Variants in PPP1R13B observed in about 807,000 individuals in gnomAD.
PPP1R13B encodes the protein protein phosphatase 1 regulatory subunit 13B.
PPP1R13B carries 44 observed loss-of-function variants against 119.8 expected under a neutral mutation model. The observed-to-expected ratio is 0.37, with a 90% confidence interval of 0.29 to 0.47. The LOEUF is 0.47. PPP1R13B is among the 20% of genes least tolerant of loss of function. The pLI is 0.99. For synonymous variants in PPP1R13B, 542 were observed against 561.5 expected (o/e 0.97, Z 0.49); for missense variants, 1,227 against 1,413.5 (o/e 0.87, Z 2.12).
chr14:103,797,191 A>G, intron 2 of PPP1R13B, 180 bp downstream of exon 2: 1 of 515,220 alleles, frequency 1.9e-6, no homozygotes, highest in Non-Finnish European at 3.3e-6. Context: ...GTTCTTTATT[A>G]CCACAGATAA....
intron 2 of PPP1R13B, among the ~76,000 whole-genome samples, chr14:103,795,160 A>G (rs1175400896): frequency 2.6e-5 from 4 of 151,958 alleles, no homozygotes; most frequent in Admixed American, 6.6e-5. Flanking sequence ...CTGGTCTCCA[A>G]CTCCTGGCTT....
chr14:103,733,235 G>A lies in PPP1R13B; in HGVS notation c.*1919C>T, dbSNP rs572721479. 28 of 609,082 alleles carry A rather than the reference G, an allele frequency of 4.6e-5. No homozygotes were observed. In the South Asian group the frequency reaches 4.8e-4, roughly 10 times the overall value. 37.7% of individuals were successfully genotyped at this position (609,082 alleles called of 1,614,324 possible). ...AACAGCTTCATGTTTTAGAATTTGT[G>A]TATTGTCAATACTTAATTGGGGGTG... On this transcript the variant is annotated 3_prime_UTR_variant, in exon 17 of 17. Coordinates refer to ENST00000202556, the MANE Select transcript of PPP1R13B (RefSeq NM_015316.3).
rs542638267 is a variant in PPP1R13B at position 103,816,939 on chromosome 14, C to T, written c.10-19421G>A. Among the ~76,000 whole-genome samples the T allele has an allele frequency of 4.6e-5, 7 of 152,238 alleles. No homozygotes were observed. In the South Asian group the frequency reaches 1.5e-3, roughly 32 times the overall value. On this transcript the variant is annotated intron_variant, in intron 1 of 16. Transcript: ENST00000202556. ...CAAAGGAAAAGTAAATCTAATAGCA[C>T]CCCATCTTTTTACAAATGACTCTAT...
chr14:103,748,695 G>T (rs748686942), intron 8 of PPP1R13B, among the ~76,000 whole-genome samples: 16 of 152,200 alleles, frequency 1.1e-4, no homozygotes, highest in Non-Finnish European at 2.2e-4. Context: ...CAGAGTGCAG[G>T]CGCCCCTCCT....
chr14:103,796,828 C>T (rs1478238113), intron 2 of PPP1R13B, among the ~76,000 whole-genome samples: 1 of 151,992 alleles, frequency 6.6e-6, no homozygotes, highest in Non-Finnish European at 1.5e-5. Context: ...CGTGGTGGTG[C>T]GCGCCTATAG....
rs1274623702 is a variant in PPP1R13B at position 103,740,041 on chromosome 14, T to C, written c.2375A>G (p.Asn792Ser). 2.8e-5 allele frequency: 45 copies of C among 1,613,848 alleles called. No homozygotes were observed. The highest frequency in any genetic ancestry group is 3.5e-5 in the Non-Finnish European group (41 of 1,179,926). ...TTCGGGGGAAGGTAACTCATTATCA[T>C]TGGCATCTGATGACGGGGCAGGCTC... ...PAEPAPSSDA[N>S]DNELPSPEPE... The change falls in exon 12 of 17, where the codon AAT becomes AGT. Residue 792 changes from asparagine (N) to serine (S), a missense_variant. By Grantham distance (46) the Asn-to-Ser change is conservative. Transcript: ENST00000202556. The surrounding 1 kb of genome is among the most constrained non-coding windows in gnomAD (Gnocchi z 4.6).
intron 2 of PPP1R13B, among the ~76,000 whole-genome samples, chr14:103,789,921 AGAG>A (rs2152032048): frequency 6.6e-6 from 1 of 152,278 alleles, no homozygotes; most frequent in East Asian, 1.9e-4. Flanking sequence ...TGTAAGATAA[AGAG>A]GAGAACTCTA....
At chr14:103,747,344 T>G (rs1043635388) in intron 8 of PPP1R13B, 4 of 152,122 alleles carry the variant, frequency 2.6e-5, no homozygotes, top group African/African-American at 9.7e-5. Context: ...TGGAGACGCA[T>G]CTCTGCAAAA....
intron 4 of PPP1R13B, among the ~76,000 whole-genome samples, chr14:103,758,201 T>C (rs2084722144): frequency 1.3e-5 from 2 of 152,156 alleles, no homozygotes; most frequent in African/African-American, 4.8e-5. Flanking sequence ...TATGAATAAC[T>C]CACTAAAAAC....
chr14:103,746,604 T>C, intron 8 of PPP1R13B, 51 bp from the exon 9 acceptor site: 1 of 1,466,952 alleles, frequency 6.8e-7, no homozygotes, highest in East Asian at 2.4e-5. Context: ...TTCAAAGAAG[T>C]CCTAAGCTTA....
intron 4 of PPP1R13B, among the ~76,000 whole-genome samples, chr14:103,768,407 C>G (rs1254720390): frequency 6.6e-6 from 1 of 152,234 alleles, no homozygotes; most frequent in South Asian, 2.1e-4. Context: ...AGCAATTCCC[C>G]TGCCTCAGCC....
At position 103,742,921 on chromosome 14, in the gene PPP1R13B, TC is replaced by T; in HGVS notation, c.1151-99del. The T allele has an allele frequency of 7.3e-7, 1 of 1,368,522 alleles. No homozygotes were observed. Among genetic ancestry groups the T allele is most frequent in the Non-Finnish European group, 1.0e-6 (1 of 988,508 alleles). The allele number at this position is 1,368,522 out of a possible 1,614,324, so 84.8% of individuals were successfully genotyped here. On this transcript the variant is annotated intron_variant, in intron 9 of 16. Transcript: ENST00000202556. The surrounding 1 kb of genome is among the most constrained non-coding windows in gnomAD (Gnocchi z 4.9). ...CAGAAACAAAAACAGCACTGGGACATCCCATTCTGATGCAGATCCATTAACC... is the reference window on the plus strand; with the variant it reads ...CAGAAACAAAAACAGCACTGGGACATCCATTCTGATGCAGATCCATTAACC...
chr14:103,786,510 A>C (rs1185502945), intron 2 of PPP1R13B, among the ~76,000 whole-genome samples: 1 of 152,006 alleles, frequency 6.6e-6, no homozygotes, highest in Non-Finnish European at 1.5e-5. Context: ...CACGCCTGTA[A>C]TTCTAGCACT....
intron 1 of PPP1R13B, among the ~76,000 whole-genome samples, chr14:103,845,483 CAG>C (rs2152091974): frequency 6.6e-6 from 1 of 152,052 alleles, no homozygotes; most frequent in East Asian, 1.9e-4. Flanking sequence ...TTTTAAAAAA[CAG>C]TATTTTATTG....
chr14:103,743,306 C>T (rs1358951050), intron 9 of PPP1R13B, among the ~76,000 whole-genome samples: 1 of 152,188 alleles, frequency 6.6e-6, no homozygotes, highest in Non-Finnish European at 1.5e-5. Context: ...AAAATTTCTG[C>T]CCTCTAAGGT....
chr14:103,796,288 T>C (rs2085755773), intron 2 of PPP1R13B, among the ~76,000 whole-genome samples: 1 of 151,374 alleles, frequency 6.6e-6, no homozygotes, highest in Admixed American at 6.6e-5. Flanking sequence ...GTCTCAAAAA[T>C]AAATAAATAA....
chr14:103,753,677 C>A (rs891883191), intron 6 of PPP1R13B, among the ~76,000 whole-genome samples: 1 of 152,200 alleles, frequency 6.6e-6, no homozygotes, highest in Non-Finnish European at 1.5e-5. Flanking sequence ...GAGCGCCCCA[C>A]CCTAATCCAA....
intron 4 of PPP1R13B, among the ~76,000 whole-genome samples, chr14:103,761,708 A>G (rs1014377071): frequency 1.3e-5 from 2 of 151,744 alleles, no homozygotes; most frequent in Non-Finnish European, 2.9e-5. Context: ...AGTTGCAGTG[A>G]GCCAAGACCG....
intron 1 of PPP1R13B, among the ~76,000 whole-genome samples, chr14:103,831,657 C>T (rs970903475): frequency 4.0e-5 from 6 of 150,150 alleles, no homozygotes; most frequent in Admixed American, 6.6e-5. Flanking sequence ...AAATTGTGGC[C>T]GGGCGCAGTG....
Sources: gnomAD v4.1 joint callset for allele counts (sites outside exome capture counted in the v4.1 genomes callset) on GRCh38, gnomAD v4.1.1 for gene constraint, Gnocchi (gnomAD v3.1) non-coding constraint, MANE v1.5 for transcripts, NCBI Gene and HGNC (gene_info 2026-07-23, HGNC 2026-07-21) for gene names.